TMTC2: variants seen among roughly 807,000 people sequenced by gnomAD.
TMTC2 encodes transmembrane O-mannosyltransferase targeting cadherins 2, also known as protein O-mannosyl-transferase TMTC2.
A neutral mutation model predicts 82.4 loss-of-function variants in TMTC2; 43 were observed. The observed-to-expected ratio is 0.52, with a 90% CI of 0.41 to 0.67. The LOEUF is 0.67. TMTC2 is among the 30% of genes least tolerant of loss of function. The pLI is 0.00. For missense variants in TMTC2, 919 were observed against 1,012.4 expected (o/e 0.91, Z 1.25); for synonymous variants, 408 against 381.9 (o/e 1.07, Z -0.80).
intron 11 of TMTC2, among the ~76,000 whole-genome samples, chr12:83,111,588 T>C (rs1010144650): frequency 1.3e-5 from 2 of 151,680 alleles, no homozygotes; most frequent in Middle Eastern, 3.4e-3. Context: ...CCTTCCTTTC[T>C]TTTTTTTATT....
intron 8 of TMTC2, among the ~76,000 whole-genome samples, chr12:82,988,998 A>C (rs1879291336): frequency 6.6e-6 from 1 of 151,492 alleles, no homozygotes; most frequent in Non-Finnish European, 1.5e-5. Context: ...ACAAATTATT[A>C]GGAGAAGGAA....
At chr12:82,714,104 G>C (rs1210071994) in intron 1 of TMTC2, among the ~76,000 whole-genome samples, 1 of 152,206 alleles carries the variant, frequency 6.6e-6, no homozygotes, top group Non-Finnish European at 1.5e-5. Context: ...GTGGGATATT[G>C]TGTAATTCCA....
chr12:82,963,882 T>C (rs1878068043), intron 4 of TMTC2, among the ~76,000 whole-genome samples: 1 of 140,190 alleles, frequency 7.1e-6, no homozygotes, highest in Non-Finnish European at 1.6e-5. Flanking sequence ...TTGGGAATTC[T>C]TTATTCAGAT....
At chr12:83,033,888 GTA>G (rs59068094) in intron 9 of TMTC2, among the ~76,000 whole-genome samples, 15,517 of 146,414 alleles carry the variant, frequency 0.11, 1,315 homozygotes, top group East Asian at 0.29. Context: ...ATATGTGTGT[GTA>G]TATATATATA....
At chr12:83,115,433 C>G (rs1219953292) in intron 11 of TMTC2, among the ~76,000 whole-genome samples, 1 of 152,136 alleles carries the variant, frequency 6.6e-6, no homozygotes, top group South Asian at 2.1e-4. Context: ...ATATTCTTTT[C>G]TAAATTTCTT....
At position 82,875,443 on chromosome 12, in the gene TMTC2, C is replaced by A. The variant is rs990762764; in HGVS notation, c.654+17863C>A. On this transcript the variant is annotated intron_variant, in intron 2 of 11. Coordinates refer to ENST00000321196, the MANE Select transcript of TMTC2 (RefSeq NM_152588.3). ...GCAGTATGATTTGTCCAGGCTGAGC[C>A]TGAGCGTGCAAGACCTTTACTCATT... 2.6e-4 allele frequency among the ~76,000 whole-genome samples: 40 copies of A among 151,942 alleles called. 2 individuals are homozygous for A. The highest frequency in any genetic ancestry group is 2.4e-3 in the Admixed American group (36 of 15,274).
intron 8 of TMTC2, among the ~76,000 whole-genome samples, chr12:82,994,520 C>G (rs1438118354): frequency 6.6e-6 from 1 of 151,942 alleles, no homozygotes; most frequent in Non-Finnish European, 1.5e-5. Flanking sequence ...AAATAGCCAG[C>G]TGGTTCAAGC....
At chr12:82,977,662 G>T (rs932801678) in intron 7 of TMTC2, among the ~76,000 whole-genome samples, 1 of 151,736 alleles carries the variant, frequency 6.6e-6, no homozygotes, top group African/African-American at 2.4e-5. Context: ...CCATGATATA[G>T]AAAATGTTTT....
chr12:83,015,648 C>T (rs1880643067), intron 8 of TMTC2, among the ~76,000 whole-genome samples: 1 of 152,158 alleles, frequency 6.6e-6, no homozygotes, highest in African/African-American at 2.4e-5. Context: ...CACCATGTCA[C>T]CTCTGTACTC....
intron 11 of TMTC2, among the ~76,000 whole-genome samples, chr12:83,094,310 C>T (rs1167682980): frequency 6.6e-6 from 1 of 152,194 alleles, no homozygotes; most frequent in African/African-American, 2.4e-5. Flanking sequence ...CAAGCAATAC[C>T]TGCTCTGGGG....
chr12:82,877,985 A>G (rs995959237), intron 2 of TMTC2, among the ~76,000 whole-genome samples: 1 of 152,226 alleles, frequency 6.6e-6, no homozygotes, highest in Non-Finnish European at 1.5e-5. Flanking sequence ...TGTTTTGTAT[A>G]AGTACACAGA....
chr12:82,856,294 C>T (rs887734555), intron 1 of TMTC2, among the ~76,000 whole-genome samples: 1 of 152,076 alleles, frequency 6.6e-6, no homozygotes, highest in South Asian at 2.1e-4. Flanking sequence ...GTAGTAAGTC[C>T]CATGAAAGCT....
intron 1 of TMTC2, among the ~76,000 whole-genome samples, chr12:82,696,840 CT>C (rs1872812061): frequency 6.6e-6 from 1 of 151,968 alleles, no homozygotes; most frequent in African/African-American, 2.4e-5. Flanking sequence ...GGACAATTGA[CT>C]TTTTAAAAGT....
chr12:82,950,691 C>G (rs758817929), intron 4 of TMTC2, among the ~76,000 whole-genome samples: 85 of 152,236 alleles, frequency 5.6e-4, no homozygotes, highest in South Asian at 6.2e-4. Flanking sequence ...TCAGGAGAAG[C>G]CTCTTTGTAA....
intron 1 of TMTC2, among the ~76,000 whole-genome samples, chr12:82,813,322 T>C (rs1449595311): frequency 6.6e-6 from 1 of 152,156 alleles, no homozygotes. Context: ...TTTACATTTT[T>C]CGTTAAGTCT....
At chr12:82,764,117 C>T (rs2470368) in intron 1 of TMTC2, among the ~76,000 whole-genome samples, 149,147 of 152,336 alleles carry the variant, frequency 0.98, 73,089 homozygotes, top group East Asian at 1. Context: ...TGGGTAACTA[C>T]ACAGATATAC....
intron 1 of TMTC2, among the ~76,000 whole-genome samples, chr12:82,694,785 TA>T (rs151273920): frequency 0.13 from 19,678 of 149,224 alleles, 1,531 homozygotes; most frequent in Non-Finnish European, 0.18. Context: ...AGATTTAAGT[TA>T]AAAAAAAAAA....
intron 1 of TMTC2, among the ~76,000 whole-genome samples, chr12:82,834,184 G>C (rs1436399034): frequency 6.6e-6 from 1 of 152,120 alleles, no homozygotes; most frequent in Non-Finnish European, 1.5e-5. Flanking sequence ...CTTACAGGAA[G>C]ACATTAATTA....
At chr12:82,789,541 C>T (rs1878352928) in intron 1 of TMTC2, among the ~76,000 whole-genome samples, 1 of 152,052 alleles carries the variant, frequency 6.6e-6, no homozygotes, top group Non-Finnish European at 1.5e-5. Context: ...AGTAAAATGC[C>T]ACCCGATTTA....
Sources: gnomAD v4.1 joint callset for allele counts (sites outside exome capture counted in the v4.1 genomes callset) on GRCh38, gnomAD v4.1.1 for gene constraint, MANE v1.5 for transcripts, NCBI Gene and HGNC (gene_info 2026-07-23, HGNC 2026-07-21) for gene names.